Variants in AQR observed in about 807,000 individuals in gnomAD.
AQR encodes the protein aquarius intron-binding spliceosomal factor.
AQR carries 61 observed loss-of-function variants against 180.5 expected under a neutral mutation model. The ratio of observed to expected loss-of-function variants is 0.34; its 90% CI spans 0.28 to 0.42. AQR has a LOEUF of 0.42. Ranked by LOEUF, AQR falls within the 10% of genes least tolerant of loss-of-function variation. AQR has a pLI of 1.00. For missense variants in AQR, 1,281 were observed against 1,798.3 expected, an observed-to-expected ratio of 0.71 and a Z score of 5.20; for synonymous variants, 551 against 588.8, an observed-to-expected ratio of 0.94 and a Z score of 0.93.
intron 34 of AQR, among the ~76,000 whole-genome samples, chr15:34,858,631 A>T (rs890401751): frequency 2.6e-4 from 39 of 152,194 alleles, no homozygotes; most frequent in Non-Finnish European, 5.1e-4. Flanking sequence ...TGGGATAGCT[A>T]AGACAATTTC....
At chr15:34,921,660 T>A (rs765686534) in intron 13 of AQR, among the ~76,000 whole-genome samples, 3 of 152,148 alleles carry the variant, frequency 2.0e-5, no homozygotes, top group Non-Finnish European at 4.4e-5. Flanking sequence ...TTCCACTATT[T>A]AACTGGTTTC....
intron 16 of AQR, among the ~76,000 whole-genome samples, chr15:34,914,349 T>C (rs1305184961): frequency 6.6e-6 from 1 of 152,132 alleles, no homozygotes; most frequent in African/African-American, 2.4e-5. Flanking sequence ...GCTGCTACAA[T>C]TACCAGAATG....
chr15:34,926,533 G>A (rs1257975314), intron 13 of AQR, among the ~76,000 whole-genome samples: 1 of 152,178 alleles, frequency 6.6e-6, no homozygotes, highest in Non-Finnish European at 1.5e-5. Flanking sequence ...CTTCTAGCAT[G>A]AATGTTTTCA....
At chr15:34,919,550 CCTTA>C (rs1893651891) in intron 14 of AQR, among the ~76,000 whole-genome samples, 1 of 152,044 alleles carries the variant, frequency 6.6e-6, no homozygotes, top group African/African-American at 2.4e-5. Context: ...AGCCACAAGA[CCTTA>C]ATAGGCACAG....
Position 34,918,390 on chromosome 15 carries a change from G to C in AQR, c.1222-12C>G. Reference sequence around the variant, plus strand: ...TCATGACGAGATACCTAAAATAAAGGAAACAAGTTCATGCAGAAGGTTAGA... The same window carrying C: ...TCATGACGAGATACCTAAAATAAAGCAAACAAGTTCATGCAGAAGGTTAGA... On this transcript the variant is annotated splice_polypyrimidine_tract_variant and intron_variant, in intron 14 of 34. Coordinates refer to ENST00000156471, the MANE Select transcript of AQR (RefSeq NM_014691.3). 3 of 1,610,014 alleles carry C rather than the reference G, an allele frequency of 1.9e-6. No individual in the cohort carries two copies. Among genetic ancestry groups the C allele is most frequent in the Non-Finnish European group, 2.5e-6 (3 of 1,178,520 alleles).
intron 14 of AQR, among the ~76,000 whole-genome samples, chr15:34,918,635 C>T (rs1595796965): frequency 6.6e-6 from 1 of 152,348 alleles, no homozygotes; most frequent in Middle Eastern, 3.4e-3. Flanking sequence ...GTTACTTTAA[C>T]CTTCCTAACC....
At chr15:34,951,549 T>C (rs1894232614) in intron 4 of AQR, among the ~76,000 whole-genome samples, 2 of 151,424 alleles carry the variant, frequency 1.3e-5, no homozygotes, top group South Asian at 4.2e-4. Context: ...CGCACACCTG[T>C]AATCCCAGCT....
In AQR at chr15:34,915,110, T is replaced by C; in HGVS notation, c.1412A>G (p.Asn471Ser). Residue 471 changes from asparagine (N) to serine (S), a missense_variant, in exon 16 of 35, where the codon AAC becomes AGC. By Grantham distance (46) the Asn-to-Ser change is conservative (BLOSUM62 1). Coordinates refer to ENST00000156471, the MANE Select transcript of AQR (RefSeq NM_014691.3). ...TLHDYLLRNF[N>S]LFRLESTYEI... ...ATAAGTTGATTCTAAGCGGAAGAGG[T>C]TAAAGTTCCTTAGCAGGTAGTCATG... is the stretch of plus-strand genomic sequence containing the variant. 1 of 1,613,488 alleles carries C rather than the reference T, an allele frequency of 6.2e-7. No homozygotes were observed. The highest frequency in any genetic ancestry group is 8.5e-7 in the Non-Finnish European group (1 of 1,179,886).
intron 28 of AQR, 100 bp from the exon 29 acceptor site, chr15:34,874,964 C>G: frequency 1.8e-6 from 2 of 1,138,588 alleles, no homozygotes; most frequent in Non-Finnish European, 2.5e-6. Flanking sequence ...GCTTCCTTAT[C>G]TTACAAATTA....
At chr15:34,871,461 C>T (rs1197139372) in intron 30 of AQR, among the ~76,000 whole-genome samples, 1 of 148,084 alleles carries the variant, frequency 6.8e-6, no homozygotes, top group Non-Finnish European at 1.5e-5. Context: ...GAGCTTCAAT[C>T]GTGCCTCTGC....
At chr15:34,897,988 T>C (rs1893274586) in intron 20 of AQR, among the ~76,000 whole-genome samples, 1 of 152,220 alleles carries the variant, frequency 6.6e-6, no homozygotes, top group Non-Finnish European at 1.5e-5. Flanking sequence ...GTTTTATTCA[T>C]TGTCTGTCCT....
intron 18 of AQR, among the ~76,000 whole-genome samples, chr15:34,905,097 G>GT (rs1893389906): frequency 7.2e-6 from 1 of 139,332 alleles, no homozygotes; most frequent in Non-Finnish European, 1.6e-5. Context: ...CCTCTTTTTT[G>GT]GGGGGGGTGG....
At chr15:34,890,379 A>AT in intron 23 of AQR, 55 bp from the exon 24 acceptor site, 1 of 1,423,332 alleles carries the variant, frequency 7.0e-7, no homozygotes, top group Non-Finnish European at 9.8e-7. Flanking sequence ...AAAAACTAAC[A>AT]TTTAGAAAGA....
chr15:34,960,419 AT>A (rs2050268205), intron 3 of AQR, among the ~76,000 whole-genome samples: 1 of 152,214 alleles, frequency 6.6e-6, no homozygotes, highest in South Asian at 2.1e-4. Context: ...TTACATATGT[AT>A]ACTATATTAT....
chr15:34,920,568 T>C, intron 13 of AQR, 134 bp from the exon 14 acceptor site: 2 of 683,922 alleles, frequency 2.9e-6, no homozygotes, highest in Non-Finnish European at 4.9e-6. Context: ...AAACCAGCAA[T>C]GAAAATTAAG....
Position 34,853,233 on chromosome 15 carries a change from A to T in AQR, c.*3559T>A, listed in dbSNP as rs1426701041. 6.7e-6 allele frequency: 1 copy of T among 149,850 alleles called. No homozygotes were observed. The highest frequency in any genetic ancestry group is 2.5e-5 in the African/African-American group (1 of 39,518). 9.3% of individuals were successfully genotyped at this position (149,850 alleles called of 1,614,324 possible). A position where few individuals can be genotyped will look rare whatever the true frequency, so the allele number is the denominator to read the frequency against. On this transcript the variant is annotated 3_prime_UTR_variant, in exon 35 of 35. Transcript: ENST00000156471. ...GCACTGCTCTTCTGGCTTATGCAAAAGGGTCACTGTTTTTTTTTTTTTTTT... is the reference window on the plus strand; with the variant it reads ...GCACTGCTCTTCTGGCTTATGCAAATGGGTCACTGTTTTTTTTTTTTTTTT...
At chr15:34,859,017 T>C (rs994588203) in intron 34 of AQR, among the ~76,000 whole-genome samples, 4 of 152,168 alleles carry the variant, frequency 2.6e-5, no homozygotes, top group Non-Finnish European at 5.9e-5. Flanking sequence ...GCTATGTATT[T>C]TTAGGACATA....
At chr15:34,889,288 T>A (rs955787336) in intron 24 of AQR, among the ~76,000 whole-genome samples, 1 of 152,234 alleles carries the variant, frequency 6.6e-6, no homozygotes, top group Non-Finnish European at 1.5e-5. Context: ...TAGTGACTTT[T>A]TAGAAGCTAA....
chr15:34,874,820 A>G lies in AQR; in HGVS notation c.3282T>C (p.Ile1094=). ...GFSRLKRWIM[I]GDHHQLPPVI... The stretch of plus-strand genomic sequence containing the variant: ...CTGGAGGTAACTGGTGATGATCGCC[A>G]ATCATAATCCATCGTTTTAGTCGGC... Residue 1094 remains isoleucine, a synonymous_variant, in exon 29 of 35, where the codon ATT becomes ATC. Coordinates refer to ENST00000156471, the MANE Select transcript of AQR (RefSeq NM_014691.3). 1.2e-6 allele frequency: 2 copies of G among 1,613,858 alleles called. No individual in the cohort carries two copies.
Sources: gnomAD v4.1 joint callset for allele counts (sites outside exome capture counted in the v4.1 genomes callset) on GRCh38, gnomAD v4.1.1 for gene constraint, MANE v1.5 for transcripts, NCBI Gene and HGNC (gene_info 2026-07-23, HGNC 2026-07-21) for gene names.